The following PRKD1 variants were observed in gnomAD, a reference collection of about 807,000 sequenced individuals.
PRKD1 encodes serine/threonine-protein kinase D1.
Under a neutral mutation model 95.9 loss-of-function variants are expected in PRKD1, and 63 were observed. That is an observed-to-expected ratio of 0.66 (90% confidence interval 0.54 to 0.81). The LOEUF is 0.81. Among genes scored for constraint, PRKD1 ranks in the 30% least tolerant of loss-of-function variants. The pLI is 0.00. For missense variants in PRKD1, 1,048 were observed against 1,165.3 expected (o/e 0.90, Z 1.47); for synonymous variants, 425 against 423.1 (o/e 1.00, Z -0.05).
intron 1 of PRKD1, among the ~76,000 whole-genome samples, chr14:29,782,075 T>C (rs1471196434): frequency 6.6e-6 from 1 of 152,200 alleles, no homozygotes; most frequent in Non-Finnish European, 1.5e-5. Flanking sequence ...CTAAAACCAT[T>C]TGTTTTCCTA....
At chr14:29,743,494 T>C (rs1033031772) in intron 1 of PRKD1, among the ~76,000 whole-genome samples, 2 of 152,120 alleles carry the variant, frequency 1.3e-5, no homozygotes, top group African/African-American at 4.8e-5. Context: ...GATGTCTCAC[T>C]CTAAATTCAT....
chr14:29,679,332 T>A (rs985605657), intron 2 of PRKD1, among the ~76,000 whole-genome samples: 3 of 152,206 alleles, frequency 2.0e-5, no homozygotes, highest in Non-Finnish European at 2.9e-5. Flanking sequence ...TGGTAGAGCT[T>A]TGAAGTCATT....
At chr14:29,658,233 T>C (rs1882002832) in intron 4 of PRKD1, among the ~76,000 whole-genome samples, 1 of 152,238 alleles carries the variant, frequency 6.6e-6, no homozygotes. Flanking sequence ...GTTCAGCTCA[T>C]ATTTGAAGAT....
At chr14:29,671,321 C>T (rs1810310249) in intron 2 of PRKD1, among the ~76,000 whole-genome samples, 1 of 152,110 alleles carries the variant, frequency 6.6e-6, no homozygotes, top group Admixed American at 6.6e-5. Flanking sequence ...AAAGAATCAA[C>T]AGCAGAAGGA....
At chr14:29,767,460 T>C (rs1349258374) in intron 1 of PRKD1, among the ~76,000 whole-genome samples, 2 of 152,162 alleles carry the variant, frequency 1.3e-5, no homozygotes, top group Non-Finnish European at 2.9e-5. Context: ...AAAACATCTC[T>C]AATCTCTCCA....
chr14:29,894,522 A>G lies in PRKD1; in HGVS notation c.264+32727T>C, dbSNP rs113591211. 1.0e-3 allele frequency among the ~76,000 whole-genome samples: 156 copies of G among 152,326 alleles called. 4 individuals carry two copies. The highest frequency in any genetic ancestry group is 3.6e-3 in the African/African-American group (151 of 41,574). On this transcript the variant is annotated intron_variant, in intron 1 of 17. Transcript: ENST00000331968. The stretch of plus-strand genomic sequence containing the variant: ...AGTGGATATCATTGAAATGTTTTAC[A>G]CTGCAGCATGATTTAATGAGACCTA...
intron 2 of PRKD1, among the ~76,000 whole-genome samples, chr14:29,697,689 T>C (rs1258779460): frequency 6.6e-6 from 1 of 152,164 alleles, no homozygotes; most frequent in Non-Finnish European, 1.5e-5. Context: ...AAGATCACAC[T>C]TTAGTTCCTT....
At chr14:29,819,487 G>A (rs868800528) in intron 1 of PRKD1, among the ~76,000 whole-genome samples, 17 of 152,016 alleles carry the variant, frequency 1.1e-4, no homozygotes, top group Admixed American at 5.2e-4. Context: ...TCAGGAGATC[G>A]AGACCATCCT....
chr14:29,924,387 A>C (rs1895225715), intron 1 of PRKD1, among the ~76,000 whole-genome samples: 1 of 152,216 alleles, frequency 6.6e-6, no homozygotes, highest in African/African-American at 2.4e-5. Context: ...AATTCTAAAT[A>C]ATAACAATAA....
At chr14:29,697,719 G>A (rs1405560481) in intron 2 of PRKD1, among the ~76,000 whole-genome samples, 1 of 151,632 alleles carries the variant, frequency 6.6e-6, no homozygotes, top group Non-Finnish European at 1.5e-5. Flanking sequence ...TTTTTGACAT[G>A]ATTGTGCTTG....
intron 16 of PRKD1, among the ~76,000 whole-genome samples, chr14:29,583,955 A>G (rs1001642543): frequency 1.2e-4 from 18 of 152,184 alleles, no homozygotes; most frequent in African/African-American, 4.3e-4. Context: ...AGAGACAAAA[A>G]AAGTCAGGAA....
At chr14:29,749,358 A>T (rs1887374258) in intron 1 of PRKD1, among the ~76,000 whole-genome samples, 1 of 152,202 alleles carries the variant, frequency 6.6e-6, no homozygotes, top group South Asian at 2.1e-4. Flanking sequence ...ACCCCAGGAT[A>T]GAAGTTTTGT....
chr14:29,768,548 G>A (rs1384331238), intron 1 of PRKD1, among the ~76,000 whole-genome samples: 1 of 151,958 alleles, frequency 6.6e-6, no homozygotes, highest in African/African-American at 2.4e-5. Context: ...CTTTGAATCT[G>A]TAAAGATGAC....
chr14:29,698,840 C>A (rs915518570), intron 2 of PRKD1, among the ~76,000 whole-genome samples: 8 of 151,994 alleles, frequency 5.3e-5, no homozygotes, highest in African/African-American at 1.4e-4. Flanking sequence ...CCTGCACTAA[C>A]CTCATGAAGT....
chr14:29,819,795 T>A (rs1890839007), intron 1 of PRKD1, among the ~76,000 whole-genome samples: 1 of 152,256 alleles, frequency 6.6e-6, no homozygotes. Flanking sequence ...GAATGTTCTT[T>A]GTGTTTTTAT....
chr14:29,713,248 T>G (rs1001011380), intron 2 of PRKD1, among the ~76,000 whole-genome samples: 3 of 152,104 alleles, frequency 2.0e-5, no homozygotes, highest in Non-Finnish European at 4.4e-5. Flanking sequence ...TCTATCCACA[T>G]AAAACCATAA....
In PRKD1 at chr14:29,819,955, T is replaced by C. The variant is rs149203560; in HGVS notation, c.265-94281A>G. Among the ~76,000 whole-genome samples the C allele has an allele frequency of 1.6e-4, 24 of 152,250 alleles. No individual in the cohort carries two copies. The East Asian group carries it at 3.1e-3, about 20-fold the overall frequency. ...TCCCTGAAGTTTGCCCTCAAGGTAT[T>C]GATATTACTTTGTAGACTGTCACAG... On this transcript the variant is annotated intron_variant, in intron 1 of 17. Transcript: ENST00000331968.
intron 13 of PRKD1, among the ~76,000 whole-genome samples, chr14:29,618,375 C>T (rs1879012524): frequency 6.6e-6 from 1 of 151,964 alleles, no homozygotes. Flanking sequence ...CCTGCCTCAG[C>T]TTCCTGAGTA....
chr14:29,597,196 C>T (rs893078664), intron 16 of PRKD1, among the ~76,000 whole-genome samples: 6 of 151,994 alleles, frequency 3.9e-5, no homozygotes, highest in African/African-American at 1.4e-4. Flanking sequence ...TAAGTAAGCC[C>T]TTACTAATAA....
Sources: gnomAD v4.1 joint callset for allele counts (sites outside exome capture counted in the v4.1 genomes callset) on GRCh38, gnomAD v4.1.1 for gene constraint, MANE v1.5 for transcripts, NCBI Gene and HGNC (gene_info 2026-07-23, HGNC 2026-07-21) for gene names.